The following PCDH9 variants were observed in gnomAD, a reference collection of about 807,000 sequenced individuals.
The protein encoded by PCDH9 is protocadherin-9.
A neutral mutation model predicts 70.6 loss-of-function variants in PCDH9; 24 were observed. The ratio of observed to expected loss-of-function variants is 0.34; its 90% confidence interval spans 0.25 to 0.48. PCDH9 has a LOEUF of 0.48. Among genes scored for constraint, PCDH9 ranks in the 20% least tolerant of loss-of-function variants. The pLI is 0.99. For missense variants in PCDH9, 1,281 were observed against 1,503.6 expected (o/e 0.85, Z 2.45); for synonymous variants, 562 against 558.5 (o/e 1.01, Z -0.09).
intron 4 of PCDH9, among the ~76,000 whole-genome samples, chr13:66,507,948 C>T (rs1352275846): frequency 6.6e-6 from 1 of 152,208 alleles, no homozygotes; most frequent in East Asian, 1.9e-4. Context: ...GTCTTGATCT[C>T]TTGACCTCGT....
chr13:66,706,338 A>G (rs541185753), intron 3 of PCDH9, among the ~76,000 whole-genome samples: 2 of 152,336 alleles, frequency 1.3e-5, no homozygotes, highest in South Asian at 4.1e-4. Flanking sequence ...CCTTGGTTCA[A>G]ATTCATGTGC....
chr13:66,590,637 G>T (rs2077026492), intron 4 of PCDH9, among the ~76,000 whole-genome samples: 1 of 151,806 alleles, frequency 6.6e-6, no homozygotes, highest in South Asian at 2.1e-4. Context: ...AACACTGTTT[G>T]TTGAAACTTG....
chr13:66,927,927 A>T (rs1470318691), intron 2 of PCDH9, among the ~76,000 whole-genome samples: 1 of 152,158 alleles, frequency 6.6e-6, no homozygotes, highest in African/African-American at 2.4e-5. Flanking sequence ...TGTTAGCTGG[A>T]AAATAAGTAG....
intron 2 of PCDH9, among the ~76,000 whole-genome samples, chr13:66,927,018 G>C (rs1362485372): frequency 6.6e-6 from 1 of 151,918 alleles, no homozygotes; most frequent in African/African-American, 2.4e-5. Context: ...ACTCTCAGAT[G>C]GTCATTATTC....
At chr13:66,999,740 C>T (rs1255832975) in intron 2 of PCDH9, among the ~76,000 whole-genome samples, 7 of 150,814 alleles carry the variant, frequency 4.6e-5, no homozygotes, top group South Asian at 2.1e-4. Flanking sequence ...AAATGCTCAC[C>T]ATCACTGGCC....
intron 4 of PCDH9, among the ~76,000 whole-genome samples, chr13:66,521,208 G>C (rs1275492897): frequency 6.6e-6 from 1 of 152,072 alleles, no homozygotes; most frequent in African/African-American, 2.4e-5. Context: ...ATGGCTATGA[G>C]TTACACTAAC....
intron 4 of PCDH9, among the ~76,000 whole-genome samples, chr13:66,620,613 C>G (rs556755009): frequency 2.6e-4 from 40 of 151,944 alleles, no homozygotes; most frequent in Non-Finnish European, 5.3e-4. Context: ...AAAACCCACT[C>G]TTTGTATGCT....
intron 2 of PCDH9, among the ~76,000 whole-genome samples, chr13:67,024,573 T>C (rs115949338): frequency 0.046 from 6,934 of 152,144 alleles, 282 homozygotes; most frequent in African/African-American, 0.11. Context: ...ATGGTGGAAA[T>C]AGCATATATT....
rs184753193 is a variant in PCDH9 at position 66,764,734 on chromosome 13, A to G, written c.3139-133323T>C. On this transcript the variant is annotated intron_variant, in intron 3 of 4. Coordinates refer to ENST00000377865, the MANE Select transcript of PCDH9 (RefSeq NM_203487.3). ...TAATTTTTGACCAAGCAAAGAAGTG[A>G]TCACCAAGGCCAAAACATGCTTCTA... Among the ~76,000 whole-genome samples the G allele has an allele frequency of 1.8e-4, 27 of 152,128 alleles. 1 individual carries two copies. The highest frequency in any genetic ancestry group is 1.3e-3 in the Admixed American group (20 of 15,256).
chr13:66,333,741 A>C (rs1955982951), intron 4 of PCDH9, among the ~76,000 whole-genome samples: 1 of 152,146 alleles, frequency 6.6e-6, no homozygotes, highest in Admixed American at 6.6e-5. Flanking sequence ...TTGATGCTTA[A>C]AGTATATATT....
At chr13:67,175,631 T>C (rs1235141304) in intron 2 of PCDH9, among the ~76,000 whole-genome samples, 2 of 152,176 alleles carry the variant, frequency 1.3e-5, no homozygotes, top group East Asian at 3.9e-4. Context: ...TTGGGGAGTA[T>C]CTTAGATGAA....
chr13:66,663,184 A>T (rs1339625271), intron 3 of PCDH9, among the ~76,000 whole-genome samples: 1 of 152,176 alleles, frequency 6.6e-6, no homozygotes, highest in South Asian at 2.1e-4. Flanking sequence ...ATATTTCACA[A>T]GTGTTTTTGG....
chr13:67,005,106 AAACTATC>A (rs142044573), intron 2 of PCDH9, among the ~76,000 whole-genome samples: 19,238 of 151,840 alleles, frequency 0.13, 1,521 homozygotes, highest in East Asian at 0.28. Context: ...TTTCTATTAA[AAACTATC>A]AGTAGAGGAG....
At chr13:66,465,254 G>T (rs558281442) in intron 4 of PCDH9, among the ~76,000 whole-genome samples, 1 of 151,740 alleles carries the variant, frequency 6.6e-6, no homozygotes, top group Non-Finnish European at 1.5e-5. Flanking sequence ...TTCAAGTGAC[G>T]AGAAATATTT....
At chr13:66,331,108 T>G (rs1481162883) in intron 4 of PCDH9, among the ~76,000 whole-genome samples, 2 of 152,188 alleles carry the variant, frequency 1.3e-5, no homozygotes, top group Non-Finnish European at 2.9e-5. Flanking sequence ...AGAGAAAGTT[T>G]GTATGTCTGT....
intron 4 of PCDH9, among the ~76,000 whole-genome samples, chr13:66,318,102 A>G (rs1360071224): frequency 6.6e-6 from 1 of 152,112 alleles, no homozygotes; most frequent in Non-Finnish European, 1.5e-5. Flanking sequence ...GATACATAGG[A>G]GGATTACGTT....
intron 4 of PCDH9, among the ~76,000 whole-genome samples, chr13:66,363,677 G>C (rs973296190): frequency 1.3e-5 from 2 of 152,118 alleles, no homozygotes; most frequent in African/African-American, 2.4e-5. Context: ...AGATGGCAGA[G>C]ATAAACTTTT....
At chr13:67,148,603 A>G (rs2087581603) in intron 2 of PCDH9, among the ~76,000 whole-genome samples, 1 of 152,222 alleles carries the variant, frequency 6.6e-6, no homozygotes, top group African/African-American at 2.4e-5. Flanking sequence ...TTCTGCATCA[A>G]TCAACATATT....
chr13:66,776,201 G>C (rs925528709), intron 3 of PCDH9, among the ~76,000 whole-genome samples: 215 of 151,538 alleles, frequency 1.4e-3, no homozygotes, highest in South Asian at 1.5e-3. Context: ...TGGAAGCATT[G>C]CCTTTGAAAA....
Sources: allele counts gnomAD v4.1 joint callset (sites outside exome capture counted in the v4.1 genomes callset), GRCh38; gene constraint gnomAD v4.1.1; transcripts MANE v1.5; gene names NCBI Gene and HGNC (gene_info 2026-07-23, HGNC 2026-07-21).